CCSER1: variants seen among roughly 807,000 people sequenced by gnomAD.
CCSER1 encodes the protein coiled-coil serine rich protein 1.
Under a neutral mutation model 82.0 loss-of-function variants are expected in CCSER1, and 41 were observed. The observed-to-expected ratio is 0.50, with a 90% confidence interval of 0.39 to 0.65. The LOEUF (loss-of-function observed/expected upper bound fraction) is 0.65. Among genes scored for constraint, CCSER1 ranks in the 30% least tolerant of loss-of-function variants. The probability of loss-of-function intolerance (pLI) is 0.00; values close to 1 mark genes in which losing one functional copy is unlikely to be tolerated. For synonymous variants in CCSER1, 414 were observed against 383.9 expected (o/e 1.08, Z -0.92); for missense variants, 1,119 against 1,064.2 (o/e 1.05, Z -0.72).
intron 10 of CCSER1, among the ~76,000 whole-genome samples, chr4:91,100,710 A>T (rs995900984): frequency 2.6e-5 from 4 of 152,204 alleles, no homozygotes; most frequent in Non-Finnish European, 5.9e-5. Context: ...CTTAAGGACT[A>T]TAGGTTTTGT....
chr4:91,468,628 T>C (rs962784158), intron 10 of CCSER1, among the ~76,000 whole-genome samples: 2 of 152,124 alleles, frequency 1.3e-5, no homozygotes, highest in Admixed American at 1.3e-4. Context: ...GGATGATTTT[T>C]TGCAAATTTT....
rs977314400 is a variant in CCSER1, at chr4:91,134,827, C to T, written c.2217+48833C>T. Among the ~76,000 whole-genome samples, 12 of 152,138 alleles carry T rather than the reference C, an allele frequency of 7.9e-5. No individual in the cohort carries two copies. In the East Asian group the frequency reaches 1.9e-3, roughly 25 times the overall value. ...CTGTAATCCCAGCACTTTGGGAGGC[C>T]GGGGCAGACAGACCACAAGGTCAAG... On this transcript the variant is annotated intron_variant, in intron 10 of 10. Coordinates refer to ENST00000509176, the MANE Select transcript of CCSER1 (RefSeq NM_001145065.2).
intron 3 of CCSER1, among the ~76,000 whole-genome samples, chr4:90,391,530 T>TATATATATATATATATATATATAC (rs1751140592): frequency 1.5e-5 from 2 of 131,128 alleles, no homozygotes; most frequent in African/African-American, 6.1e-5. Context: ...TATATATATA[T>TATATATATATATATATATATATAC]ACTGTGTACT....
In CCSER1 at chr4:90,783,486, A is replaced by G. The variant is rs79130592; in HGVS notation, c.2011-32276A>G. On this transcript the variant is annotated intron_variant, in intron 7 of 10. Transcript: ENST00000509176. ...GCTTGAGAGTAAGAAACTCCTGGGGATCACATTCTTAGGGAATCCCGCACA... is the reference window on the plus strand; with the variant it reads ...GCTTGAGAGTAAGAAACTCCTGGGGGTCACATTCTTAGGGAATCCCGCACA... Among the ~76,000 whole-genome samples the G allele has an allele frequency of 6.3e-3, 956 of 152,268 alleles. 7 individuals are homozygous for G. Among genetic ancestry groups the G allele is most frequent in the African/African-American group, 0.022 (908 of 41,556 alleles).
chr4:90,302,087 G>A (rs1211913251), intron 1 of CCSER1, among the ~76,000 whole-genome samples: 1 of 152,134 alleles, frequency 6.6e-6, no homozygotes, highest in African/African-American at 2.4e-5. Context: ...ATTCATGGCA[G>A]TGAGACAGAA....
At chr4:91,085,766 T>G (rs1723323288) in intron 9 of CCSER1, among the ~76,000 whole-genome samples, 184 bp from the exon 10 acceptor site, 1 of 145,584 alleles carries the variant, frequency 6.9e-6, no homozygotes, top group Non-Finnish European at 1.5e-5. Flanking sequence ...GGGACTACAT[T>G]TGAAGACTTA....
intron 4 of CCSER1, among the ~76,000 whole-genome samples, chr4:90,401,721 G>A (rs1029600638): frequency 1.4e-4 from 21 of 152,228 alleles, no homozygotes; most frequent in African/African-American, 4.3e-4. Flanking sequence ...TAGAGACAGG[G>A]TTTCACCATG....
chr4:91,510,846 C>G (rs145571938), intron 10 of CCSER1, among the ~76,000 whole-genome samples: 25 of 152,202 alleles, frequency 1.6e-4, no homozygotes, highest in African/African-American at 5.8e-4. Flanking sequence ...TTTTGTTTTT[C>G]TTGTAAATGC....
At chr4:90,262,514 G>T (rs57759641) in intron 1 of CCSER1, among the ~76,000 whole-genome samples, 6,805 of 152,154 alleles carry the variant, frequency 0.045, 396 homozygotes, top group African/African-American at 0.13. Context: ...ATTTTAATTA[G>T]TTTTTTCCTG....
chr4:90,279,985 A>G (rs1029179957), intron 1 of CCSER1, among the ~76,000 whole-genome samples: 4 of 152,078 alleles, frequency 2.6e-5, no homozygotes, highest in African/African-American at 9.7e-5. Flanking sequence ...CATGCTTTAT[A>G]AAAATGATAG....
intron 10 of CCSER1, among the ~76,000 whole-genome samples, chr4:91,443,243 A>T (rs1755315651): frequency 6.6e-6 from 1 of 152,126 alleles, no homozygotes; most frequent in South Asian, 2.1e-4. Context: ...ACAGTGATAG[A>T]CTGGATTAAG....
intron 10 of CCSER1, among the ~76,000 whole-genome samples, chr4:91,467,690 A>G (rs1433369164): frequency 3.9e-5 from 6 of 152,352 alleles, no homozygotes; most frequent in African/African-American, 1.4e-4. Context: ...AAGTGGGCAA[A>G]GGATATGAAC....
At chr4:90,718,165 A>G (rs907547598) in intron 6 of CCSER1, among the ~76,000 whole-genome samples, 1 of 152,144 alleles carries the variant, frequency 6.6e-6, no homozygotes, top group Non-Finnish European at 1.5e-5. Flanking sequence ...TTTTACAACT[A>G]TGAGAATACA....
chr4:90,153,165 T>C (rs912200299), intron 1 of CCSER1, among the ~76,000 whole-genome samples: 2 of 151,776 alleles, frequency 1.3e-5, no homozygotes, highest in African/African-American at 4.8e-5. Flanking sequence ...GATAGTTTAC[T>C]GAGAATGATG....
chr4:91,147,657 C>A (rs965460086), intron 10 of CCSER1, among the ~76,000 whole-genome samples: 5 of 152,200 alleles, frequency 3.3e-5, no homozygotes, highest in Non-Finnish European at 5.9e-5. Context: ...GGTGGAGCAC[C>A]AGCTGTGCTG....
chr4:90,360,904 AC>A (rs965823010), intron 3 of CCSER1, among the ~76,000 whole-genome samples: 2 of 152,220 alleles, frequency 1.3e-5, no homozygotes, highest in Non-Finnish European at 2.9e-5. Flanking sequence ...TTTATAGTGC[AC>A]AACTTTTGTC....
chr4:90,807,651 CAAAA>C (rs3042345), intron 7 of CCSER1, among the ~76,000 whole-genome samples: 1 of 139,814 alleles, frequency 7.2e-6, no homozygotes, highest in Non-Finnish European at 1.6e-5. Context: ...TTTACATTTG[CAAAA>C]AAAAAAAAAC....
intron 1 of CCSER1, among the ~76,000 whole-genome samples, chr4:90,251,503 T>G (rs1018957957): frequency 6.6e-6 from 1 of 151,892 alleles, no homozygotes; most frequent in Non-Finnish European, 1.5e-5. Context: ...TGTTCTTTAG[T>G]CGATTGATAT....
chr4:90,410,530 A>G (rs1560473998), intron 4 of CCSER1, among the ~76,000 whole-genome samples: 1 of 152,226 alleles, frequency 6.6e-6, no homozygotes, highest in Admixed American at 6.5e-5. Flanking sequence ...CTGAATGACT[A>G]CTGGGTACAT....
Sources: allele counts gnomAD v4.1 joint callset (sites outside exome capture counted in the v4.1 genomes callset), GRCh38; gene constraint gnomAD v4.1.1; transcripts MANE v1.5; gene names NCBI Gene and HGNC (gene_info 2026-07-23, HGNC 2026-07-21).